RNLS: variants seen among roughly 807,000 people sequenced by gnomAD.
The protein encoded by RNLS is renalase.
A neutral mutation model predicts 39.8 loss-of-function variants in RNLS; 39 were observed. The observed-to-expected ratio is 0.98, with a 90% CI of 0.76 to 1.28. The LOEUF (loss-of-function observed/expected upper bound fraction) is 1.28. RNLS is among the 50% of genes most tolerant of loss of function. The probability of loss-of-function intolerance (pLI) is 0.00; values close to 1 mark genes in which losing one functional copy is unlikely to be tolerated. For synonymous variants in RNLS, 147 were observed against 150.7 expected (o/e 0.98, Z 0.18); for missense variants, 410 against 413.3 (o/e 0.99, Z 0.07).
chr10:88,490,399 A>G (rs1023814898), intron 4 of RNLS, among the ~76,000 whole-genome samples: 6 of 152,196 alleles, frequency 3.9e-5, no homozygotes, highest in Admixed American at 3.9e-4. Flanking sequence ...TTTAAGCTCT[A>G]AACATAAAAG....
chr10:88,236,618 T>G, the RNLS span, among the ~76,000 whole-genome samples: 1 of 152,246 alleles, frequency 6.6e-6, no homozygotes, highest in Admixed American at 6.5e-5. Flanking sequence ...ATTTAGTCTA[T>G]TCACACTTCA....
At chr10:88,230,806 G>A in the RNLS span, among the ~76,000 whole-genome samples, 1 of 152,178 alleles carries the variant, frequency 6.6e-6, no homozygotes, top group Non-Finnish European at 1.5e-5. Flanking sequence ...TATCCCATTG[G>A]TTCCTCCCAA....
chr10:88,176,700 A>G, the RNLS span, among the ~76,000 whole-genome samples: 15 of 151,270 alleles, frequency 9.9e-5, no homozygotes, highest in Non-Finnish European at 1.2e-4. Context: ...TGAATTTTGT[A>G]CTTTTGTGTG....
chr10:88,191,849 C>T, the RNLS span, among the ~76,000 whole-genome samples: 1 of 152,052 alleles, frequency 6.6e-6, no homozygotes, highest in Non-Finnish European at 1.5e-5. Flanking sequence ...GTGTGTAAAA[C>T]GAGGTCTGAG....
At chr10:88,401,361 T>C (rs564475952) in intron 4 of RNLS, among the ~76,000 whole-genome samples, 7 of 152,174 alleles carry the variant, frequency 4.6e-5, no homozygotes, top group Admixed American at 1.3e-4. Flanking sequence ...CTAGAAAACA[T>C]TGGACTAGTT....
downstream of RNLS, among the ~76,000 whole-genome samples, chr10:88,279,972 G>T (rs1298364669): frequency 1.3e-5 from 2 of 152,024 alleles, no homozygotes; most frequent in African/African-American, 4.8e-5. Context: ...AAGCTTCTGG[G>T]TTTCACCATG....
chr10:88,510,802 G>A (rs1480761070), intron 4 of RNLS, among the ~76,000 whole-genome samples: 3 of 150,776 alleles, frequency 2.0e-5, no homozygotes, highest in Admixed American at 2.0e-4. Flanking sequence ...AGCCAAGATC[G>A]CGCCACTGCA....
the RNLS span, among the ~76,000 whole-genome samples, chr10:88,191,650 C>T: frequency 1.3e-5 from 2 of 152,182 alleles, no homozygotes; most frequent in Non-Finnish European, 2.9e-5. Flanking sequence ...GTGCTAGCTC[C>T]ATTGTCAAGA....
exon 7 of RNLS, chr10:88,274,856 C>A: frequency 1.2e-6 from 1 of 807,682 alleles, no homozygotes; most frequent in Non-Finnish European, 2.1e-6. Context: ...CAACATTTAT[C>A]TTCTGTTTTG....
intron 4 of RNLS, among the ~76,000 whole-genome samples, chr10:88,547,332 T>C (rs1848371017): frequency 6.6e-6 from 1 of 152,232 alleles, no homozygotes; most frequent in South Asian, 2.1e-4. Flanking sequence ...ACATGCATGT[T>C]AGCCCTGGTA....
At chr10:88,424,709 T>C (rs1382998222) in intron 4 of RNLS, among the ~76,000 whole-genome samples, 1 of 152,120 alleles carries the variant, frequency 6.6e-6, no homozygotes, top group East Asian at 1.9e-4. Flanking sequence ...TGCTGACACA[T>C]TACTCAGATG....
chr10:88,347,431 T>G (rs1848383579), intron 5 of RNLS, among the ~76,000 whole-genome samples: 1 of 152,026 alleles, frequency 6.6e-6, no homozygotes, highest in Non-Finnish European at 1.5e-5. Context: ...AGATTCAGAG[T>G]ATGAAGAGCT....
intron 4 of RNLS, among the ~76,000 whole-genome samples, chr10:88,449,842 T>C (rs1842266427): frequency 6.6e-6 from 1 of 152,166 alleles, no homozygotes; most frequent in South Asian, 2.1e-4. Flanking sequence ...AAGTATCTTT[T>C]GGTGTTTCTA....
intron 4 of RNLS, among the ~76,000 whole-genome samples, chr10:88,425,587 G>C (rs1407966519): frequency 6.6e-6 from 1 of 152,042 alleles, no homozygotes; most frequent in African/African-American, 2.4e-5. Flanking sequence ...GATTTATTGG[G>C]TATTCCACCT....
intron 5 of RNLS, among the ~76,000 whole-genome samples, chr10:88,348,710 A>G (rs1015752075): frequency 3.3e-5 from 5 of 152,140 alleles, no homozygotes; most frequent in Non-Finnish European, 7.4e-5. Flanking sequence ...ATTCCCTATT[A>G]AAGTTTCTGA....
the RNLS span, among the ~76,000 whole-genome samples, chr10:88,172,532 T>G: frequency 6.6e-6 from 1 of 151,770 alleles, no homozygotes; most frequent in Non-Finnish European, 1.5e-5. Context: ...ATTATTTGTA[T>G]TTTTTTACTG....
At chr10:88,283,380 G>C (rs539104445), downstream of RNLS, among the ~76,000 whole-genome samples, 42 of 152,128 alleles carry the variant, frequency 2.8e-4, no homozygotes, top group Non-Finnish European at 4.4e-4. Context: ...AGAGGAGTAC[G>C]GTCTCCAAGC....
At chr10:88,295,939 T>C (rs1844066421) in intron 6 of RNLS, among the ~76,000 whole-genome samples, 1 of 152,156 alleles carries the variant, frequency 6.6e-6, no homozygotes, top group Non-Finnish European at 1.5e-5. Flanking sequence ...AAGAATGAAA[T>C]ACGGTTTTCT....
At chr10:88,485,265 C>T (rs987882721) in intron 4 of RNLS, among the ~76,000 whole-genome samples, 5 of 151,786 alleles carry the variant, frequency 3.3e-5, no homozygotes, top group Non-Finnish European at 7.4e-5. Flanking sequence ...TTAAGACAGA[C>T]AATCAGGTCA....
Sources: gnomAD v4.1 joint callset for allele counts (sites outside exome capture counted in the v4.1 genomes callset) on GRCh38, gnomAD v4.1.1 for gene constraint, MANE v1.5 for transcripts, NCBI Gene and HGNC (gene_info 2026-07-23, HGNC 2026-07-21) for gene names.